NRXN3: variants seen among roughly 807,000 people sequenced by gnomAD.
NRXN3 encodes the protein neurexin III.
NRXN3 carries 32 observed loss-of-function variants against 137.6 expected under a neutral mutation model. The observed-to-expected ratio is 0.23, with a 90% CI of 0.18 to 0.31. The LOEUF (loss-of-function observed/expected upper bound fraction) is 0.31. Among genes scored for constraint, NRXN3 ranks in the 10% least tolerant of loss-of-function variants. NRXN3 has a pLI of 1.00. For synonymous variants in NRXN3, 798 were observed against 784.5 expected (o/e 1.02, Z -0.29); for missense variants, 1,574 against 2,062.5 (o/e 0.76, Z 4.59).
intron 1 of NRXN3, among the ~76,000 whole-genome samples, chr14:78,238,555 G>C (rs1300797598): frequency 6.6e-6 from 1 of 152,238 alleles, no homozygotes; most frequent in Non-Finnish European, 1.5e-5. Flanking sequence ...TAGTGTAAGG[G>C]CATCTCTAGC....
At chr14:79,721,329 G>A (rs2098843702) in intron 19 of NRXN3, among the ~76,000 whole-genome samples, 2 of 152,068 alleles carry the variant, frequency 1.3e-5, no homozygotes, top group Admixed American at 1.3e-4. Context: ...AAAGGTGGGT[G>A]GTATGTGAGC....
At chr14:79,278,167 A>G (rs901177436) in intron 15 of NRXN3, among the ~76,000 whole-genome samples, 2 of 152,100 alleles carry the variant, frequency 1.3e-5, no homozygotes, top group Non-Finnish European at 2.9e-5. Context: ...CAACATATAT[A>G]TGTTTTAACC....
chr14:78,513,485 G>A (rs1000024413), intron 4 of NRXN3, among the ~76,000 whole-genome samples: 1 of 152,234 alleles, frequency 6.6e-6, no homozygotes, highest in African/African-American at 2.4e-5. Context: ...TGTTTGCATT[G>A]TTAATTATAG....
intron 15 of NRXN3, among the ~76,000 whole-genome samples, chr14:79,132,133 C>T (rs1007944213): frequency 6.6e-6 from 1 of 152,218 alleles, no homozygotes; most frequent in Non-Finnish European, 1.5e-5. Context: ...AGAAATTACC[C>T]GTCTTCTGCG....
intron 15 of NRXN3, among the ~76,000 whole-genome samples, chr14:79,002,399 T>A (rs999644442): frequency 3.9e-5 from 6 of 152,068 alleles, no homozygotes; most frequent in Non-Finnish European, 8.8e-5. Context: ...CCCCAGTGTG[T>A]GTTGTTCCTC....
In NRXN3 at chr14:79,743,446, C is replaced by G. The variant is rs553576575; in HGVS notation, c.4014+45509C>G. Among the ~76,000 whole-genome samples the G allele has an allele frequency of 8.2e-4, 125 of 152,284 alleles. 1 individual carries two copies. In the South Asian group the frequency reaches 8.5e-3, roughly 10 times the overall value. ...GAGGGGAATGTATATTTCAAAATAA[C>G]TTCTCAAGTGACTGTACTGTGACCA... On this transcript the variant is annotated intron_variant, in intron 19 of 20. Transcript: ENST00000335750.
chr14:79,236,924 A>T (rs952621324), intron 15 of NRXN3, among the ~76,000 whole-genome samples: 10 of 152,138 alleles, frequency 6.6e-5, no homozygotes, highest in East Asian at 3.9e-4. Flanking sequence ...AAATATATAT[A>T]TTTTTAAAAG....
At chr14:79,507,732 G>T (rs189661368) in intron 16 of NRXN3, among the ~76,000 whole-genome samples, 11 of 152,234 alleles carry the variant, frequency 7.2e-5, no homozygotes, top group African/African-American at 2.4e-4. Context: ...ACTCTGCATC[G>T]TTGAATTTAT....
chr14:79,729,185 C>T (rs1404772278), intron 19 of NRXN3, among the ~76,000 whole-genome samples: 1 of 152,176 alleles, frequency 6.6e-6, no homozygotes, highest in East Asian at 1.9e-4. Context: ...CCCACACCAC[C>T]AGTGCAAAGT....
rs145839707 is a variant in NRXN3 at position 78,518,208 on chromosome 14, C to T, written c.758-126912C>T. On this transcript the variant is annotated intron_variant, in intron 4 of 20. Transcript: ENST00000335750. ...GTGGTTCTTGGCAATTTTAAAGTTCCGGTAGTATAGTACAAGTACCCAAAT... is the reference window on the plus strand; with the variant it reads ...GTGGTTCTTGGCAATTTTAAAGTTCTGGTAGTATAGTACAAGTACCCAAAT... 1.2e-3 allele frequency among the ~76,000 whole-genome samples: 181 copies of T among 152,170 alleles called. 2 individuals are homozygous for T. The highest frequency in any genetic ancestry group is 4.1e-3 in the African/African-American group (169 of 41,484).
intron 10 of NRXN3, among the ~76,000 whole-genome samples, chr14:78,861,341 C>G (rs1397131229): frequency 6.6e-6 from 1 of 152,050 alleles, no homozygotes; most frequent in Non-Finnish European, 1.5e-5. Flanking sequence ...TCTATATATA[C>G]CAATAAACAT....
intron 15 of NRXN3, among the ~76,000 whole-genome samples, chr14:79,166,809 T>C (rs985939629): frequency 8.6e-5 from 13 of 151,952 alleles, no homozygotes; most frequent in Non-Finnish European, 1.6e-4. Flanking sequence ...CTATCTGAGA[T>C]TCCATTTTCT....
At chr14:78,235,023 T>TATATATATATATATATATATATATAA (rs61371349) in intron 1 of NRXN3, among the ~76,000 whole-genome samples, 1 of 98,704 alleles carries the variant, frequency 1.0e-5, no homozygotes, top group African/African-American at 4.4e-5. Context: ...TATATATATA[T>TATATATATATATATATATATATATAA]GTGTATATAT....
chr14:79,792,493 G>T (rs1228807602), intron 19 of NRXN3, among the ~76,000 whole-genome samples: 1 of 152,046 alleles, frequency 6.6e-6, no homozygotes, highest in Non-Finnish European at 1.5e-5. Context: ...GTATACAAAC[G>T]AAACACTTTT....
At chr14:78,438,849 T>C (rs1466469499) in intron 4 of NRXN3, among the ~76,000 whole-genome samples, 3 of 150,754 alleles carry the variant, frequency 2.0e-5, no homozygotes, top group Non-Finnish European at 4.4e-5. Flanking sequence ...AATGAGAGGG[T>C]TGTCAGCAAG....
At chr14:78,931,525 A>C (rs1267978701) in intron 10 of NRXN3, among the ~76,000 whole-genome samples, 2 of 152,154 alleles carry the variant, frequency 1.3e-5, no homozygotes, top group Non-Finnish European at 2.9e-5. Context: ...CATTTATTGA[A>C]TGCTTGCTGC....
intron 16 of NRXN3, among the ~76,000 whole-genome samples, chr14:79,561,583 T>A (rs2097498185): frequency 6.6e-6 from 1 of 152,190 alleles, no homozygotes; most frequent in Admixed American, 6.5e-5. Context: ...TTCTCCTTAG[T>A]TATACACATT....
chr14:79,061,564 C>T (rs542480853), intron 15 of NRXN3, among the ~76,000 whole-genome samples: 21 of 152,308 alleles, frequency 1.4e-4, no homozygotes, highest in African/African-American at 3.8e-4. Context: ...CTTACAAGGA[C>T]GACCATTGCT....
chr14:79,071,700 G>A (rs1001041171), intron 15 of NRXN3, among the ~76,000 whole-genome samples: 2 of 152,110 alleles, frequency 1.3e-5, no homozygotes, highest in African/African-American at 4.8e-5. Flanking sequence ...GAAAAGTGGG[G>A]ACGGTTCATT....
Sources: gnomAD v4.1 joint callset for allele counts (sites outside exome capture counted in the v4.1 genomes callset) on GRCh38, gnomAD v4.1.1 for gene constraint, MANE v1.5 for transcripts, NCBI Gene and HGNC (gene_info 2026-07-23, HGNC 2026-07-21) for gene names.